Variants in RNF38 observed in about 807,000 individuals in gnomAD.
RNF38 encodes E3 ubiquitin-protein ligase RNF38.
In RNF38, 15 loss-of-function variants were observed where a neutral mutation model predicts 67.2. The observed-to-expected ratio is 0.22, with a 90% CI of 0.15 to 0.34. RNF38 has a LOEUF of 0.34. RNF38 is among the 10% of genes least tolerant of loss of function. The pLI, the probability that RNF38 is intolerant of heterozygous loss-of-function variation, is 1.00. For synonymous variants in RNF38, 220 were observed against 218.8 expected (o/e 1.01, Z -0.05); for missense variants, 524 against 639.9 (o/e 0.82, Z 1.95).
At chr9:36,361,263 T>C (rs949191500) in intron 4 of RNF38, among the ~76,000 whole-genome samples, 2 of 151,976 alleles carry the variant, frequency 1.3e-5, no homozygotes, top group African/African-American at 2.4e-5. Context: ...ACCACTCTCC[T>C]ACCTCAGCCT....
intron 9 of RNF38, among the ~76,000 whole-genome samples, chr9:36,348,816 T>C (rs1462147899): frequency 6.6e-6 from 1 of 152,234 alleles, no homozygotes; most frequent in Non-Finnish European, 1.5e-5. Flanking sequence ...CCAGAAGCTC[T>C]ATCTAAGATC....
chr9:36,449,475 G>A (rs550932657), intron 1 of RNF38, among the ~76,000 whole-genome samples: 78 of 151,702 alleles, frequency 5.1e-4, no homozygotes, highest in African/African-American at 1.8e-3. Context: ...TCACTCTGTC[G>A]CCCAGGCTGG....
At chr9:36,482,593 TCCACCCACCTCGG>T (rs1840300672) in intron 1 of RNF38, among the ~76,000 whole-genome samples, 2 of 152,082 alleles carry the variant, frequency 1.3e-5, no homozygotes, top group African/African-American at 2.4e-5. Context: ...CCTCAGGTGA[TCCACCCACCTCGG>T]CCTCCCAAAG....
intron 9 of RNF38, among the ~76,000 whole-genome samples, chr9:36,347,146 G>C (rs1202910065): frequency 1.9e-5 from 1 of 52,204 alleles, no homozygotes; most frequent in Non-Finnish European, 3.5e-5. Context: ...GGGGGGGGGG[G>C]GGGAAGTAAA....
intron 1 of RNF38, among the ~76,000 whole-genome samples, chr9:36,456,718 A>G (rs1384484499): frequency 1.3e-5 from 2 of 152,160 alleles, no homozygotes; most frequent in East Asian, 3.9e-4. Flanking sequence ...ATTCCAGGCT[A>G]GCTAGCACAA....
At chr9:36,435,223 T>C (rs758530385) in intron 1 of RNF38, among the ~76,000 whole-genome samples, 1 of 152,196 alleles carries the variant, frequency 6.6e-6, no homozygotes, top group Admixed American at 6.5e-5. Context: ...TGCTTTTTCC[T>C]ATTTTTAAAT....
At chr9:36,479,745 TA>T (rs150809420) in intron 1 of RNF38, among the ~76,000 whole-genome samples, 23 of 147,746 alleles carry the variant, frequency 1.6e-4, no homozygotes, top group Middle Eastern at 3.2e-3. Context: ...GACAAATCTA[TA>T]AAAAAAAAAG....
At chr9:36,368,797 G>A (rs181068976) in intron 4 of RNF38, among the ~76,000 whole-genome samples, 63 of 151,992 alleles carry the variant, frequency 4.1e-4, no homozygotes, top group African/African-American at 1.4e-3. Flanking sequence ...AGCATTCTCT[G>A]GTAATTTTTT....
At chr9:36,405,911 TAC>T (rs540171242), upstream of RNF38, among the ~76,000 whole-genome samples, 41 of 152,346 alleles carry the variant, frequency 2.7e-4, 1 homozygote, top group South Asian at 7.9e-3. Context: ...ATGGTAAATA[TAC>T]AGTTTATTTT....
intron 11 of RNF38, 87 bp downstream of exon 11, chr9:36,342,238 G>C: frequency 1.1e-6 from 1 of 912,306 alleles, no homozygotes; most frequent in Non-Finnish European, 1.8e-6. Flanking sequence ...CTTCCTTCCT[G>C]TCCACTGAGC....
In RNF38 at chr9:36,393,477, T is replaced by TGTGTGTGTG. The variant is rs1554689571; in HGVS notation, c.13-2862_13-2861insCACACACAC. Among the ~76,000 whole-genome samples the TGTGTGTGTG allele has an allele frequency of 2.6e-3, 232 of 87,776 alleles. 1 individual carries two copies. Among genetic ancestry groups the TGTGTGTGTG allele is most frequent in the Non-Finnish European group, 3.2e-3 (125 of 39,636 alleles). 57.6% of individuals were successfully genotyped at this position (87,776 alleles called of 152,430 possible). A position where few individuals can be genotyped will look rare whatever the true frequency, so the allele number is the denominator to read the frequency against. The stretch of plus-strand genomic sequence containing the variant: ...GGTAAAATAAAATCACACACACACA[T>TGTGTGTGTG]TGTGTGTGTGTGTGTGTGTGTGTGT... On this transcript the variant is annotated intron_variant, in intron 1 of 11. Transcript: ENST00000259605.
At chr9:36,447,548 A>G (rs1839336196) in intron 1 of RNF38, among the ~76,000 whole-genome samples, 1 of 152,222 alleles carries the variant, frequency 6.6e-6, no homozygotes, top group Non-Finnish European at 1.5e-5. Context: ...CTGATAATAT[A>G]TAATACTAGT....
chr9:36,413,187 G>A lies in RNF38; in HGVS notation n.312+11426C>T, dbSNP rs569118872. On this transcript the variant is annotated intron_variant and non_coding_transcript_variant, in intron 2 of 3. Coordinates refer to the RNF38 transcript ENST00000488058. ...AGAAGTTGCAGTGAGCCAAGAATGCGCCATTGCACTCCAGCCTGGGCAACA... is the reference window on the plus strand; with the variant it reads ...AGAAGTTGCAGTGAGCCAAGAATGCACCATTGCACTCCAGCCTGGGCAACA... Among the ~76,000 whole-genome samples, 6 of 150,876 alleles carry A rather than the reference G, an allele frequency of 4.0e-5. No homozygotes were observed. The East Asian group carries it at 7.8e-4, about 20-fold the overall frequency.
chr9:36,384,986 T>C (rs773544316), intron 2 of RNF38, among the ~76,000 whole-genome samples: 2 of 152,178 alleles, frequency 1.3e-5, no homozygotes, highest in Non-Finnish European at 2.9e-5. Flanking sequence ...CAATGACCAA[T>C]TGAGAGCAAT....
chr9:36,478,380 G>A (rs188767115), intron 1 of RNF38, among the ~76,000 whole-genome samples: 3 of 147,740 alleles, frequency 2.0e-5, no homozygotes, highest in South Asian at 2.2e-4. Flanking sequence ...CTCCAGCCTG[G>A]GGGAGAGAGC....
At chr9:36,481,084 G>A (rs539570918) in intron 1 of RNF38, among the ~76,000 whole-genome samples, 2 of 146,634 alleles carry the variant, frequency 1.4e-5, no homozygotes, top group Non-Finnish European at 1.5e-5. Flanking sequence ...GTGCAATCTC[G>A]GCTCATTGCA....
rs774560493 is a variant in RNF38 at position 36,369,841 on chromosome 9, C to T, written c.448G>A (p.Ala150Thr). 27 of 1,613,612 alleles carry T rather than the reference C, an allele frequency of 1.7e-5. No individual in the cohort carries two copies. The Middle Eastern group carries it at 5.1e-4, about 30-fold the overall frequency. ...QDENYHHLPY[A>T]QQQAIEEPRA... ...GGCTCCTCTATTGCTTGCTGCTGTG[C>T]GTAAGGGAGATGGTGATAGTTTTCA... The change falls in exon 4 of 12, where the codon GCA (alanine) becomes ACA (threonine). Residue 150 changes from alanine to threonine, a missense_variant. This residue lies in a region of RNF38 where 461 missense variants were observed against 517.4 expected (regional missense o/e 0.89). Coordinates refer to ENST00000259605, the MANE Select transcript of RNF38 (RefSeq NM_022781.5).
chr9:36,399,327 A>G (rs896269583), intron 1 of RNF38, among the ~76,000 whole-genome samples: 1 of 152,108 alleles, frequency 6.6e-6, no homozygotes, highest in Non-Finnish European at 1.5e-5. Context: ...TGAGGCCCAC[A>G]TGACGAGTCT....
At chr9:36,399,511 ATAT>A (rs577477218) in intron 1 of RNF38, among the ~76,000 whole-genome samples, 91 of 148,122 alleles carry the variant, frequency 6.1e-4, no homozygotes, top group African/African-American at 2.0e-3. Flanking sequence ...ATATAATACC[ATAT>A]TATAAATAAA....
Sources: gnomAD v4.1 joint callset for allele counts (sites outside exome capture counted in the v4.1 genomes callset) on GRCh38, gnomAD v4.1.1 for gene constraint, gnomAD v4.1.1 regional missense constraint, MANE v1.5 for transcripts, NCBI Gene and HGNC (gene_info 2026-07-23, HGNC 2026-07-21) for gene names.